The following VWA8 variants were observed in gnomAD, a reference collection of about 807,000 sequenced individuals.
The protein encoded by VWA8 is von Willebrand factor A domain containing 8.
A neutral mutation model predicts 241.5 loss-of-function variants in VWA8; 221 were observed. The observed-to-expected ratio is 0.91, with a 90% confidence interval of 0.82 to 1.02. VWA8 has a LOEUF of 1.02. Among genes scored for constraint, VWA8 ranks in the 50% least tolerant of loss-of-function variants. The pLI, the probability that VWA8 is intolerant of heterozygous loss-of-function variation, is 0.00. For synonymous variants in VWA8, 852 were observed against 827.1 expected, an observed-to-expected ratio of 1.03 and a Z score of -0.52; for missense variants, 2,322 against 2,328.7, an observed-to-expected ratio of 1.00 and a Z score of 0.06.
At chr13:41,582,436 T>C (rs1318363292) in intron 42 of VWA8, among the ~76,000 whole-genome samples, 1 of 151,954 alleles carries the variant, frequency 6.6e-6, no homozygotes, top group Non-Finnish European at 1.5e-5. Flanking sequence ...TCAAAGCAAA[T>C]ACAGACCAGA....
chr13:41,903,508 C>A (rs1369902087), intron 4 of VWA8, among the ~76,000 whole-genome samples: 1 of 151,984 alleles, frequency 6.6e-6, no homozygotes, highest in Non-Finnish European at 1.5e-5. Flanking sequence ...CAGCCTGGTG[C>A]GGCATGGTAT....
intron 12 of VWA8, among the ~76,000 whole-genome samples, chr13:41,841,809 A>AT (rs1872037671): frequency 3.1e-5 from 1 of 31,958 alleles, no homozygotes; most frequent in African/African-American, 8.5e-5. Context: ...AAAAAAAAAA[A>AT]AAAAAAAAAA....
At chr13:41,742,642 G>A (rs746763076) in intron 21 of VWA8, among the ~76,000 whole-genome samples, 1 of 152,114 alleles carries the variant, frequency 6.6e-6, no homozygotes, top group Non-Finnish European at 1.5e-5. Context: ...ATTAAAGAAG[G>A]ATATTTTGGG....
At chr13:41,833,162 C>T (rs1871545308) in intron 13 of VWA8, among the ~76,000 whole-genome samples, 1 of 151,988 alleles carries the variant, frequency 6.6e-6, no homozygotes, top group African/African-American at 2.4e-5. Flanking sequence ...ACAGGAGTGG[C>T]TTTTCCCAAA....
chr13:41,609,419 C>T (rs2044573390), intron 39 of VWA8, among the ~76,000 whole-genome samples: 1 of 152,096 alleles, frequency 6.6e-6, no homozygotes, highest in Admixed American at 6.5e-5. Context: ...TGCAGATACA[C>T]TTGGAAATAT....
chr13:41,837,082 G>GAT (rs1566476355), intron 12 of VWA8, among the ~76,000 whole-genome samples: 2 of 123,036 alleles, frequency 1.6e-5, no homozygotes, highest in East Asian at 5.4e-4. Context: ...GATAGATAGA[G>GAT]ATTTTTAAAA....
intron 19 of VWA8, among the ~76,000 whole-genome samples, chr13:41,782,077 T>A (rs1183274677): frequency 6.6e-6 from 1 of 152,224 alleles, no homozygotes; most frequent in Non-Finnish European, 1.5e-5. Context: ...GTACAATTGG[T>A]ACAGCTAAAA....
intron 24 of VWA8, among the ~76,000 whole-genome samples, chr13:41,723,149 TTCTC>T (rs1182334204): frequency 6.6e-6 from 1 of 152,084 alleles, no homozygotes. Flanking sequence ...GGAAAACATA[TTCTC>T]TCTCTCTGTC....
Position 41,841,772 on chromosome 13 carries a change from G to A in VWA8, c.1426-8241C>T, listed in dbSNP as rs1475869356. Among the ~76,000 whole-genome samples the A allele has an allele frequency of 4.9e-4, 46 of 93,158 alleles. 1 individual carries two copies. The South Asian group carries it at 0.013, about 27-fold the overall frequency. 61.1% of individuals were successfully genotyped at this position (93,158 alleles called of 152,430 possible). The stretch of plus-strand genomic sequence containing the variant: ...TGCACTCCACCCTGGGCGACAGAGC[G>A]AGACTCTGTCTCAAAAAAAAAAAAA... On this transcript the variant is annotated intron_variant, in intron 12 of 44. Coordinates refer to ENST00000379310, the MANE Select transcript of VWA8 (RefSeq NM_015058.2).
At chr13:41,705,205 T>C (rs1483496701) in intron 26 of VWA8, among the ~76,000 whole-genome samples, 1 of 151,878 alleles carries the variant, frequency 6.6e-6, no homozygotes, top group Admixed American at 6.6e-5. Context: ...ATCTATCATC[T>C]AAAATATATT....
intron 2 of VWA8, among the ~76,000 whole-genome samples, chr13:41,914,008 GA>G (rs763931114): frequency 1.3e-5 from 2 of 152,226 alleles, no homozygotes; most frequent in Non-Finnish European, 2.9e-5. Flanking sequence ...TTGGGAGGCC[GA>G]GGCAGGTGGA....
chr13:41,730,441 C>T (rs1418870191), intron 22 of VWA8, among the ~76,000 whole-genome samples: 4 of 150,172 alleles, frequency 2.7e-5, no homozygotes, highest in Non-Finnish European at 3.0e-5. Flanking sequence ...TGACAATATG[C>T]GGAATAGTTT....
intron 20 of VWA8, among the ~76,000 whole-genome samples, chr13:41,769,314 G>C (rs915596313): frequency 3.9e-5 from 6 of 152,190 alleles, no homozygotes; most frequent in African/African-American, 1.4e-4. Flanking sequence ...GGTCACATTA[G>C]AGCTAAATGG....
chr13:41,764,332 C>T (rs553731877), intron 20 of VWA8, among the ~76,000 whole-genome samples: 1 of 152,220 alleles, frequency 6.6e-6, no homozygotes, highest in East Asian at 1.9e-4. Flanking sequence ...TTCTCCCTCC[C>T]TCCCTTCGTT....
rs7990862 is a variant in VWA8 at position 41,862,300 on chromosome 13, A to G, written c.1425+3436T>C. Among the ~76,000 whole-genome samples, 907 of 152,336 alleles carry G rather than the reference A, an allele frequency of 6.0e-3. 15 individuals are homozygous for G. The highest frequency in any genetic ancestry group is 0.02 in the African/African-American group (851 of 41,588). On this transcript the variant is annotated intron_variant, in intron 12 of 44. Coordinates refer to ENST00000379310, the MANE Select transcript of VWA8 (RefSeq NM_015058.2). ...TCACCATATACAAAAATTGCTTCAA[A>G]ATAGGTTAGAGACTTAAATCTAAGA...
rs1178318645 is a variant in VWA8 at position 41,701,286 on chromosome 13, A to G, written c.3364+106T>C. 6 of 1,337,390 alleles carry G rather than the reference A, an allele frequency of 4.5e-6. No individual in the cohort carries two copies. The East Asian group carries it at 7.7e-5, about 17-fold the overall frequency. 82.8% of individuals were successfully genotyped at this position (1,337,390 alleles called of 1,614,324 possible). A position where few individuals can be genotyped will look rare whatever the true frequency, so the allele number is the denominator to read the frequency against. On this transcript the variant is annotated intron_variant, in intron 28 of 44. Transcript: ENST00000379310. Reference sequence around the variant, plus strand: ...AATTGCTATCCAATCCAAGAATGACAGACACCAAGTCTATCATAAACTTTT... The same window carrying G: ...AATTGCTATCCAATCCAAGAATGACGGACACCAAGTCTATCATAAACTTTT...
chr13:41,782,362 T>C (rs1215569668), intron 19 of VWA8, among the ~76,000 whole-genome samples: 1 of 152,118 alleles, frequency 6.6e-6, no homozygotes, highest in Non-Finnish European at 1.5e-5. Flanking sequence ...TGTCTCTTTG[T>C]CTCTTTGTTC....
chr13:41,914,455 T>C (rs1876159821), intron 2 of VWA8, among the ~76,000 whole-genome samples: 2 of 152,220 alleles, frequency 1.3e-5, no homozygotes, highest in South Asian at 2.1e-4. Flanking sequence ...TCTTTTCTAC[T>C]TGAAGCTTAA....
intron 34 of VWA8, among the ~76,000 whole-genome samples, chr13:41,686,102 C>T (rs1164921871): frequency 6.6e-6 from 1 of 152,130 alleles, no homozygotes; most frequent in Non-Finnish European, 1.5e-5. Flanking sequence ...GCAACAGTAT[C>T]ATAAAACACA....
Sources: allele counts gnomAD v4.1 joint callset (sites outside exome capture counted in the v4.1 genomes callset), GRCh38; gene constraint gnomAD v4.1.1; transcripts MANE v1.5; gene names NCBI Gene and HGNC (gene_info 2026-07-23, HGNC 2026-07-21).